The following PCDHGB7 variants were observed in gnomAD, a reference collection of about 807,000 sequenced individuals.
PCDHGB7 encodes protocadherin gamma-B7.
A neutral mutation model predicts 61.4 loss-of-function variants in PCDHGB7; 37 were observed. That is an observed-to-expected ratio of 0.60 (90% CI 0.46 to 0.79). The LOEUF (loss-of-function observed/expected upper bound fraction) is 0.79. Among genes scored for constraint, PCDHGB7 ranks in the 30% least tolerant of loss-of-function variants. PCDHGB7 has a pLI of 0.00. For missense variants in PCDHGB7, 1,166 were observed against 1,202.5 expected, an observed-to-expected ratio of 0.97 and a Z score of 0.45; for synonymous variants, 464 against 503.5, an observed-to-expected ratio of 0.92 and a Z score of 1.05.
At chr5:141,438,136 A>C (rs2097931548) in intron 1 of PCDHGB7, among the ~76,000 whole-genome samples, 1 of 152,186 alleles carries the variant, frequency 6.6e-6, no homozygotes, top group Non-Finnish European at 1.5e-5. Flanking sequence ...TAATGGCAAA[A>C]GATAGCCAGC....
Position 141,511,350 on chromosome 5 carries a change from C to T in PCDHGB7, c.*177C>T, listed in dbSNP as rs1303365585. Reference sequence around the variant, plus strand: ...CCCAGTCAGCACCTACCCCTTCCCCCCCAGGGGGTTGAATATGCAAAAGCA... The same window carrying T: ...CCCAGTCAGCACCTACCCCTTCCCCTCCAGGGGGTTGAATATGCAAAAGCA... On this transcript the variant is annotated 3_prime_UTR_variant, in exon 4 of 4. Transcript: ENST00000398594. The T allele has an allele frequency of 6.4e-6, 9 of 1,397,076 alleles. No homozygotes were observed. Among genetic ancestry groups the T allele is most frequent in the Non-Finnish European group, 8.6e-6 (9 of 1,050,666 alleles). 86.5% of individuals were successfully genotyped at this position (1,397,076 alleles called of 1,614,324 possible).
intron 1 of PCDHGB7, among the ~76,000 whole-genome samples, chr5:141,425,025 T>C (rs1416166875): frequency 1.3e-5 from 2 of 152,236 alleles, no homozygotes; most frequent in Non-Finnish European, 2.9e-5. Flanking sequence ...ATTTACCTTA[T>C]GTCATTAGTT....
chr5:141,485,797 C>T lies in PCDHGB7; in HGVS notation c.2416-9010C>T. 1 of 1,614,228 alleles carries T rather than the reference C, an allele frequency of 6.2e-7. No homozygotes were observed. Among genetic ancestry groups the T allele is most frequent in the South Asian group, 1.1e-5 (1 of 91,092 alleles). On this transcript the variant is annotated intron_variant, in intron 1 of 3. Coordinates refer to ENST00000398594, the MANE Select transcript of PCDHGB7 (RefSeq NM_018927.4). This position sits in a 1 kb window ranked among gnomAD's most constrained non-coding sequence, Gnocchi z 5.7. ...TGGATCGAGAGAAGCAATCGGACTACCGCCTGGTGCTGACTGCTGTCGATG... is the reference window on the plus strand; with the variant it reads ...TGGATCGAGAGAAGCAATCGGACTATCGCCTGGTGCTGACTGCTGTCGATG...
rs1185679701 is a variant in PCDHGB7, at chr5:141,511,384, G to A, written c.*211G>A. On this transcript the variant is annotated 3_prime_UTR_variant, in exon 4 of 4. Coordinates refer to ENST00000398594, the MANE Select transcript of PCDHGB7 (RefSeq NM_018927.4). ...TTGAATATGCAAAAGCAGTTCCGCT[G>A]GGAACCCCCATCCAATCAACTGCTG... is the stretch of plus-strand genomic sequence containing the variant. 3.5e-6 allele frequency: 4 copies of A among 1,154,490 alleles called. No homozygotes were observed. Among genetic ancestry groups the A allele is most frequent in the Admixed American group, 2.9e-5 (1 of 34,748 alleles). 71.5% of individuals were successfully genotyped at this position (1,154,490 alleles called of 1,614,324 possible). A position where few individuals can be genotyped will look rare whatever the true frequency, so the allele number is the denominator to read the frequency against.
chr5:141,451,299 A>T (rs1016384424), intron 1 of PCDHGB7, among the ~76,000 whole-genome samples: 17 of 152,228 alleles, frequency 1.1e-4, no homozygotes, highest in African/African-American at 3.4e-4. Flanking sequence ...AAAGTCTTAC[A>T]AGGCAGCAAT....
In PCDHGB7 at chr5:141,489,412, G is replaced by C; in HGVS notation, c.2416-5395G>C. On this transcript the variant is annotated intron_variant, in intron 1 of 3. Coordinates refer to ENST00000398594, the MANE Select transcript of PCDHGB7 (RefSeq NM_018927.4). The surrounding 1 kb of genome is among the most constrained non-coding windows in gnomAD (Gnocchi z 4.5). ...TCAGGATCTGGGCTTAAAGATGACAGATCTGTTGAGCCGGCGGCTGCAATT... is the reference window on the plus strand; with the variant it reads ...TCAGGATCTGGGCTTAAAGATGACACATCTGTTGAGCCGGCGGCTGCAATT... The C allele has an allele frequency of 6.2e-7, 1 of 1,614,172 alleles. No individual in the cohort carries two copies. Among genetic ancestry groups the C allele is most frequent in the Non-Finnish European group, 8.5e-7 (1 of 1,180,040 alleles).
Position 141,420,228 on chromosome 5 carries a change from G to C in PCDHGB7, c.2369G>C (p.Ser790Thr), listed in dbSNP as rs750839002. 3 of 1,603,310 alleles carry C rather than the reference G, an allele frequency of 1.9e-6. No individual in the cohort carries two copies. Among genetic ancestry groups the C allele is most frequent in the Non-Finnish European group, 2.6e-6 (3 of 1,173,422 alleles). ...AACAAAGATAGCATGCTACTGGCTAGCATTTTAACTCCCAGCGTTGAAGCA... is the reference window on the plus strand; with the variant it reads ...AACAAAGATAGCATGCTACTGGCTACCATTTTAACTCCCAGCGTTGAAGCA... ...NLNKDSMLLA[S>T]ILTPSVEADK... Residue 790 changes from serine to threonine, a missense_variant, in exon 1 of 4, where the codon AGC (serine) becomes ACC (threonine). By Grantham distance (58) the Ser-to-Thr change is moderately conservative. Coordinates refer to ENST00000398594, the MANE Select transcript of PCDHGB7 (RefSeq NM_018927.4).
At position 141,489,090 on chromosome 5, in the gene PCDHGB7, C is replaced by A; in HGVS notation, c.2416-5717C>A. On this transcript the variant is annotated intron_variant, in intron 1 of 3. Transcript: ENST00000398594. The surrounding 1 kb of genome is among the most constrained non-coding windows in gnomAD (Gnocchi z 4.5). Reference sequence around the variant, plus strand: ...CCTGCCCACCCCCGCCACTCGGTGACTAAGAACTGCTGCAAGCAGGCAAAC... The same window carrying A: ...CCTGCCCACCCCCGCCACTCGGTGAATAAGAACTGCTGCAAGCAGGCAAAC... The A allele has an allele frequency of 1.5e-5, 5 of 328,802 alleles. No individual in the cohort carries two copies. The highest frequency in any genetic ancestry group is 4.8e-5 in the East Asian group (1 of 20,928). 20.4% of individuals were successfully genotyped at this position (328,802 alleles called of 1,614,324 possible).
chr5:141,442,798 A>G (rs1055527090), intron 1 of PCDHGB7, among the ~76,000 whole-genome samples: 1 of 152,256 alleles, frequency 6.6e-6, no homozygotes, highest in East Asian at 1.9e-4. Flanking sequence ...TTTTACTTTG[A>G]TATTCAAATT....
intron 1 of PCDHGB7, among the ~76,000 whole-genome samples, chr5:141,437,514 C>G (rs2097891371): frequency 6.6e-6 from 1 of 152,114 alleles, no homozygotes; most frequent in South Asian, 2.1e-4. Flanking sequence ...AATTATAAGG[C>G]TGATGACAAA....
intron 1 of PCDHGB7, among the ~76,000 whole-genome samples, chr5:141,456,790 C>T (rs1364747385): frequency 6.6e-6 from 1 of 151,976 alleles, no homozygotes; most frequent in Admixed American, 6.6e-5. Flanking sequence ...TGGCAAAACC[C>T]CATCTCTACT....
chr5:141,506,444 CAAAAAA>C (rs1219684339), intron 3 of PCDHGB7, among the ~76,000 whole-genome samples: 1 of 95,026 alleles, frequency 1.1e-5, no homozygotes, highest in African/African-American at 4.0e-5. Flanking sequence ...CGCTCTGTCT[CAAAAAA>C]AAAAAAAAAA....
At chr5:141,478,454 A>G (rs766350066) in intron 1 of PCDHGB7, 4 of 1,613,596 alleles carry the variant, frequency 2.5e-6, no homozygotes, top group Non-Finnish European at 3.4e-6. Context: ...TGGTGCAGCC[A>G]GTCCACTGGC....
chr5:141,473,680 C>T (rs888876529), intron 1 of PCDHGB7, among the ~76,000 whole-genome samples: 3 of 152,100 alleles, frequency 2.0e-5, no homozygotes, highest in Non-Finnish European at 2.9e-5. Flanking sequence ...CAGGGAAGGG[C>T]TGGGGTTCTG....
At chr5:141,509,758 C>T (rs574741134) in intron 3 of PCDHGB7, among the ~76,000 whole-genome samples, 17 of 152,202 alleles carry the variant, frequency 1.1e-4, no homozygotes. Flanking sequence ...CTAAAGTGTC[C>T]CTGAGATGTC....
At position 141,512,630 on chromosome 5, in the gene PCDHGB7, G is replaced by C. The variant is rs1335322474; in HGVS notation, c.*1457G>C. On this transcript the variant is annotated 3_prime_UTR_variant, in exon 4 of 4. Transcript: ENST00000398594. ...GGGGCTGCCAGAGAACCCCAGACCT[G>C]CCCTTACAGTAGTGTAGCGCCCCCT... The C allele has an allele frequency of 6.5e-6, 1 of 152,888 alleles. No individual in the cohort carries two copies. Among genetic ancestry groups the C allele is most frequent in the Non-Finnish European group, 1.5e-5 (1 of 68,576 alleles). 9.5% of individuals were successfully genotyped at this position (152,888 alleles called of 1,614,324 possible).
intron 1 of PCDHGB7, chr5:141,478,531 C>T (rs771145308): frequency 1.9e-6 from 3 of 1,608,190 alleles, no homozygotes; most frequent in Non-Finnish European, 2.5e-6. Flanking sequence ...GTGCAGAGAG[C>T]GCCCCTCCCG....
intron 1 of PCDHGB7, among the ~76,000 whole-genome samples, chr5:141,438,039 C>T (rs1373700448): frequency 6.6e-6 from 1 of 152,024 alleles, no homozygotes; most frequent in Non-Finnish European, 1.5e-5. Flanking sequence ...CCATGCCCGA[C>T]CACTTTGAGT....
chr5:141,481,691 C>G (rs929210528), intron 1 of PCDHGB7, among the ~76,000 whole-genome samples: 3 of 152,080 alleles, frequency 2.0e-5, no homozygotes, highest in African/African-American at 4.8e-5. Context: ...TGGTGGCTCA[C>G]GCCTGTAATC....
Sources: allele counts gnomAD v4.1 joint callset (sites outside exome capture counted in the v4.1 genomes callset), GRCh38; gene constraint gnomAD v4.1.1; non-coding constraint Gnocchi (gnomAD v3.1); transcripts MANE v1.5; gene names NCBI Gene and HGNC (gene_info 2026-07-23, HGNC 2026-07-21).